Variants in USP47 observed in about 807,000 individuals in gnomAD.
The protein encoded by USP47 is ubiquitin carboxyl-terminal hydrolase 47.
Under a neutral mutation model 165.1 loss-of-function variants are expected in USP47, and 35 were observed. The observed-to-expected ratio is 0.21, with a 90% CI of 0.16 to 0.28. USP47 has a LOEUF of 0.28. USP47 is among the 10% of genes least tolerant of loss of function. USP47 has a pLI of 1.00. For synonymous variants in USP47, 531 were observed against 544.5 expected (o/e 0.98, Z 0.35); for missense variants, 1,277 against 1,607.4 (o/e 0.79, Z 3.52).
intron 25 of USP47, 136 bp downstream of exon 25, chr11:11,953,007 G>A: frequency 4.6e-6 from 3 of 657,452 alleles, no homozygotes; most frequent in Non-Finnish European, 5.8e-6. Flanking sequence ...ACCAAACACT[G>A]GTGCAGCAAC....
At chr11:11,854,109 AG>A (rs1265511464) in intron 1 of USP47, among the ~76,000 whole-genome samples, 2 of 132,542 alleles carry the variant, frequency 1.5e-5, no homozygotes, top group Non-Finnish European at 3.4e-5. Context: ...CACTCCAGCT[AG>A]GGGGACAGGG....
At chr11:11,892,358 C>CTT in intron 4 of USP47, among the ~76,000 whole-genome samples, 1 of 142,644 alleles carries the variant, frequency 7.0e-6, no homozygotes, top group East Asian at 2.1e-4. Flanking sequence ...TTAAGGAAGA[C>CTT]TTTTCTTTTC....
Position 11,875,777 on chromosome 11 carries a change from A to G in USP47, c.40-4400A>G, listed in dbSNP as rs2134274004. Reference sequence around the variant, plus strand: ...TGCCACCACACCCAGCAAATTTTGTATTATTTGTAGAGACAGGGTTTTGCC... The same window carrying G: ...TGCCACCACACCCAGCAAATTTTGTGTTATTTGTAGAGACAGGGTTTTGCC... On this transcript the variant is annotated intron_variant, in intron 1 of 27. Transcript: ENST00000527733. Among the ~76,000 whole-genome samples the G allele has an allele frequency of 2.6e-5, 4 of 152,194 alleles. No individual in the cohort carries two copies. The Middle Eastern group carries it at 0.014, about 518-fold the overall frequency.
intron 22 of USP47, 24 bp from the exon 23 acceptor site, chr11:11,949,865 G>C (rs1206354473): frequency 6.6e-7 from 1 of 1,507,034 alleles, no homozygotes; most frequent in Admixed American, 1.7e-5. Flanking sequence ...TTCAAGCTCT[G>C]ATTGTTTATG....
intron 7 of USP47, among the ~76,000 whole-genome samples, 166 bp from the exon 8 acceptor site, chr11:11,905,226 CTTAAATA>C (rs1436118548): frequency 6.9e-6 from 1 of 145,136 alleles, no homozygotes; most frequent in Non-Finnish European, 1.5e-5. Flanking sequence ...TTAGATAAAT[CTTAAATA>C]TTACATAATA....
chr11:11,921,858 A>G (rs139449398), intron 10 of USP47, among the ~76,000 whole-genome samples: 19 of 152,008 alleles, frequency 1.2e-4, no homozygotes, highest in African/African-American at 4.1e-4. Context: ...ACTTAGATCT[A>G]TAGCTGGATT....
At chr11:11,886,143 A>G (rs1851148194) in intron 3 of USP47, among the ~76,000 whole-genome samples, 1 of 152,246 alleles carries the variant, frequency 6.6e-6, no homozygotes, top group Non-Finnish European at 1.5e-5. Flanking sequence ...GAGATGAGAA[A>G]GAATCAACAC....
intron 1 of USP47, among the ~76,000 whole-genome samples, chr11:11,844,425 G>C (rs1374925109): frequency 1.3e-5 from 2 of 152,164 alleles, no homozygotes; most frequent in African/African-American, 2.4e-5. Context: ...AGAGCTAAGA[G>C]AAAGCATAAT....
At chr11:11,948,731 A>G (rs767288945) in intron 22 of USP47, 173 bp downstream of exon 22, 2 of 563,512 alleles carry the variant, frequency 3.5e-6, no homozygotes, top group Non-Finnish European at 6.4e-6. Context: ...CACTTCTGCT[A>G]TTATAGCACA....
At chr11:11,853,568 G>A (rs1302703983) in intron 1 of USP47, among the ~76,000 whole-genome samples, 1 of 152,222 alleles carries the variant, frequency 6.6e-6, no homozygotes, top group African/African-American at 2.4e-5. Context: ...TGTAGATGTA[G>A]TGTGAGTAAA....
rs745427308 is a variant in USP47 at position 11,920,431 on chromosome 11, G to A, written c.1155G>A (p.Leu385=). The A allele has an allele frequency of 3.7e-6, 6 of 1,610,338 alleles. No homozygotes were observed. In the Admixed American group the frequency reaches 5.0e-5, roughly 13 times the overall value. ...ATACAACCATGCATAGGATTAAACT[G>A]AATGATCGAATGACATTTCCCGAGG... The part of the protein sequence containing the change: ...FDYTTMHRIK[L]NDRMTFPEEL... The change falls in exon 10 of 28, where the codon CTG becomes CTA. Residue 385 remains leucine, a synonymous_variant. Coordinates refer to ENST00000527733, the MANE Select transcript of USP47 (RefSeq NM_001282659.2).
At chr11:11,866,464 C>T (rs1473096545) in intron 1 of USP47, among the ~76,000 whole-genome samples, 1 of 152,036 alleles carries the variant, frequency 6.6e-6, no homozygotes, top group Non-Finnish European at 1.5e-5. Context: ...CATTGTGTTC[C>T]CCTGAGTTGG....
At chr11:11,935,238 C>T (rs1179531811) in intron 16 of USP47, among the ~76,000 whole-genome samples, 1 of 151,980 alleles carries the variant, frequency 6.6e-6, no homozygotes, top group Admixed American at 6.6e-5. Flanking sequence ...AAACTATAAG[C>T]ACATACAAGT....
chr11:11,923,178 T>C (rs901985827), intron 11 of USP47, among the ~76,000 whole-genome samples: 12 of 150,714 alleles, frequency 8.0e-5, no homozygotes, highest in Admixed American at 7.3e-4. Flanking sequence ...AGCTGGATGG[T>C]ACAGAAACGA....
intron 8 of USP47, among the ~76,000 whole-genome samples, chr11:11,915,493 C>A (rs1261026578): frequency 6.6e-6 from 1 of 152,012 alleles, no homozygotes; most frequent in African/African-American, 2.4e-5. Flanking sequence ...TATACACAGG[C>A]AAATGAGTGC....
At chr11:11,949,518 A>C (rs963808717) in intron 22 of USP47, among the ~76,000 whole-genome samples, 1 of 152,164 alleles carries the variant, frequency 6.6e-6, no homozygotes. Flanking sequence ...ACAATTGGTT[A>C]AAGTATTTGG....
chr11:11,879,122 G>T (rs1052773098), intron 1 of USP47, among the ~76,000 whole-genome samples: 4 of 152,134 alleles, frequency 2.6e-5, no homozygotes, highest in Admixed American at 6.6e-5. Flanking sequence ...ACTATTCGGG[G>T]TTGAAGGAAT....
rs755575741 is a variant in USP47, at chr11:11,930,663, T to C, written c.1596-33T>C. ...AGTGGAATCTTTTTAATCTACTTTT[T>C]GTCCTTATTAATCTTTTTTATGTTT... On this transcript the variant is annotated intron_variant, in intron 13 of 27. Coordinates refer to ENST00000527733, the MANE Select transcript of USP47 (RefSeq NM_001282659.2). The C allele has an allele frequency of 2.0e-6, 3 of 1,486,418 alleles. No homozygotes were observed. The South Asian group carries it at 3.7e-5, about 18-fold the overall frequency. The allele number at this position is 1,486,418 out of a possible 1,614,324, so 92.1% of individuals were successfully genotyped here. A position where few individuals can be genotyped will look rare whatever the true frequency, so the allele number is the denominator to read the frequency against.
In USP47 at chr11:11,957,548, G is replaced by A. The variant is rs879336545; in HGVS notation, c.*1373G>A. The A allele has an allele frequency of 1.2e-4, 18 of 152,670 alleles. No homozygotes were observed. The highest frequency in any genetic ancestry group is 4.1e-4 in the South Asian group (2 of 4,828). 9.5% of individuals were successfully genotyped at this position (152,670 alleles called of 1,614,324 possible). A position where few individuals can be genotyped will look rare whatever the true frequency, so the allele number is the denominator to read the frequency against. On this transcript the variant is annotated 3_prime_UTR_variant, in exon 28 of 28. Transcript: ENST00000527733. ...TTATTTTAGTCATTAAACTTCTGTGGATGAAGAATCTGGGTTAAGAATAGA... is the reference window on the plus strand; with the variant it reads ...TTATTTTAGTCATTAAACTTCTGTGAATGAAGAATCTGGGTTAAGAATAGA...
Sources: gnomAD v4.1 joint callset for allele counts (sites outside exome capture counted in the v4.1 genomes callset) on GRCh38, gnomAD v4.1.1 for gene constraint, MANE v1.5 for transcripts, NCBI Gene and HGNC (gene_info 2026-07-23, HGNC 2026-07-21) for gene names.